VPS13B: variants seen among roughly 807,000 people sequenced by gnomAD.
VPS13B encodes the protein intermembrane lipid transfer protein VPS13B.
VPS13B carries 285 observed loss-of-function variants against 426.4 expected under a neutral mutation model. The ratio of observed to expected loss-of-function variants is 0.67; its 90% CI spans 0.61 to 0.74. The LOEUF is 0.74. VPS13B is among the 30% of genes least tolerant of loss of function. The pLI is 0.00. For missense variants in VPS13B, 4,537 were observed against 4,782.6 expected (o/e 0.95, Z 1.51); for synonymous variants, 1,676 against 1,676.4 (o/e 1.00, Z 0.01).
chr8:99,416,009 G>A (rs547421493), intron 21 of VPS13B, among the ~76,000 whole-genome samples: 7 of 152,280 alleles, frequency 4.6e-5, no homozygotes, highest in South Asian at 2.1e-4. Flanking sequence ...CTGATGCTGC[G>A]CCCACAGCCG....
intron 19 of VPS13B, among the ~76,000 whole-genome samples, chr8:99,297,131 G>GT (rs1820084405): frequency 6.6e-6 from 1 of 152,004 alleles, no homozygotes; most frequent in African/African-American, 2.4e-5. Context: ...TGAAAGTAAG[G>GT]TTTTTATAGG....
intron 30 of VPS13B, among the ~76,000 whole-genome samples, chr8:99,539,421 A>G (rs1377691645): frequency 2.0e-5 from 3 of 152,224 alleles, no homozygotes; most frequent in African/African-American, 7.2e-5. Flanking sequence ...TGAATTGCAG[A>G]CAGAGTATTT....
intron 43 of VPS13B, among the ~76,000 whole-genome samples, chr8:99,806,903 G>A (rs1005256558): frequency 8.5e-5 from 13 of 152,266 alleles, no homozygotes; most frequent in African/African-American, 2.6e-4. Flanking sequence ...TTCCCAGGCA[G>A]GGGTGATTAC....
At chr8:99,425,592 A>T (rs1315671304) in intron 21 of VPS13B, among the ~76,000 whole-genome samples, 1 of 152,198 alleles carries the variant, frequency 6.6e-6, no homozygotes, top group Non-Finnish European at 1.5e-5. Context: ...ATTTATGACA[A>T]ACCCACAGCC....
intron 17 of VPS13B, among the ~76,000 whole-genome samples, chr8:99,216,364 T>TA (rs1217294550): frequency 6.6e-6 from 1 of 152,190 alleles, no homozygotes; most frequent in Non-Finnish European, 1.5e-5. Flanking sequence ...TCATCTGTGA[T>TA]ACCTCACTAC....
intron 16 of VPS13B, among the ~76,000 whole-genome samples, chr8:99,173,515 A>G (rs1812469885): frequency 6.6e-6 from 1 of 152,178 alleles, no homozygotes; most frequent in African/African-American, 2.4e-5. Context: ...GGCCTCAAGA[A>G]GCTATACTTG....
chr8:99,553,455 G>C (rs1028280349), intron 30 of VPS13B, among the ~76,000 whole-genome samples: 1 of 152,034 alleles, frequency 6.6e-6, no homozygotes, highest in Non-Finnish European at 1.5e-5. Context: ...TTGTGCATCT[G>C]TGATTAGTTG....
chr8:99,187,232 G>A (rs984244432), intron 16 of VPS13B, among the ~76,000 whole-genome samples: 3 of 151,960 alleles, frequency 2.0e-5, no homozygotes, highest in South Asian at 4.2e-4. Context: ...GGCGGGGGGC[G>A]GTTCAGGAAT....
chr8:99,210,667 G>A (rs887835969), intron 17 of VPS13B, among the ~76,000 whole-genome samples: 1 of 152,058 alleles, frequency 6.6e-6, no homozygotes, highest in African/African-American at 2.4e-5. Context: ...GTGCAGTGGT[G>A]CAATCTTGGC....
intron 2 of VPS13B, among the ~76,000 whole-genome samples, chr8:99,016,541 CT>C (rs1441573014): frequency 2.3e-5 from 3 of 129,042 alleles, no homozygotes; most frequent in Non-Finnish European, 3.4e-5. Context: ...GTCTTTTTTC[CT>C]TTTTTAAAAA....
chr8:99,730,605 A>G (rs1375211722), intron 39 of VPS13B, among the ~76,000 whole-genome samples: 2 of 152,110 alleles, frequency 1.3e-5, no homozygotes, highest in African/African-American at 4.8e-5. Flanking sequence ...AGATGAAAGG[A>G]CCTGGGCTAA....
intron 3 of VPS13B, among the ~76,000 whole-genome samples, chr8:99,040,171 A>G (rs1842912975): frequency 6.6e-6 from 1 of 152,214 alleles, no homozygotes. Flanking sequence ...CTTAAGAAAC[A>G]TGTTTTAACA....
Position 99,832,367 on chromosome 8 carries a change from A to ATTTTTTTTTTT in VPS13B, c.9331-2_9331-1insTTTTTTTTTTT. On this transcript the variant is annotated splice_acceptor_variant, in intron 51 of 61. Transcript: ENST00000357162. LOFTEE classifies it high-confidence loss of function. The stretch of plus-strand genomic sequence containing the variant: ...TTTTTTTTTTTTTTTTTTTTTTTTT[A>ATTTTTTTTTTT]GTATTTTCGTGTTCCAGACAGTGCT... 1 of 688,132 alleles carries ATTTTTTTTTTT rather than the reference A, an allele frequency of 1.5e-6. No homozygotes were observed. The highest frequency in any genetic ancestry group is 1.8e-6 in the Non-Finnish European group (1 of 546,624). The allele number at this position is 688,132 out of a possible 1,614,324, so 42.6% of individuals were successfully genotyped here. A position where few individuals can be genotyped will look rare whatever the true frequency, so the allele number is the denominator to read the frequency against.
intron 25 of VPS13B, 22 bp downstream of exon 25, chr8:99,481,824 G>A (rs1474330418): frequency 4.3e-6 from 7 of 1,612,150 alleles, no homozygotes; most frequent in Non-Finnish European, 5.1e-6. Context: ...TGAAAATCCT[G>A]TTACAAAATG....
intron 54 of VPS13B, among the ~76,000 whole-genome samples, chr8:99,841,504 A>G (rs1250253142): frequency 6.6e-6 from 1 of 152,236 alleles, no homozygotes. Flanking sequence ...ATAATATTGA[A>G]TGCCTGTTTT....
intron 34 of VPS13B, among the ~76,000 whole-genome samples, chr8:99,656,298 C>T (rs537604073): frequency 9.8e-4 from 149 of 152,118 alleles, no homozygotes; most frequent in Non-Finnish European, 1.4e-3. Flanking sequence ...TCTGTTACTC[C>T]TCATAAGATA....
intron 13 of VPS13B, among the ~76,000 whole-genome samples, chr8:99,143,671 A>T (rs536144895): frequency 6.6e-6 from 1 of 152,340 alleles, no homozygotes; most frequent in African/African-American, 2.4e-5. Flanking sequence ...ATAATAGTGT[A>T]ATGAGGAAGT....
chr8:99,667,109 G>A (rs932370461), intron 35 of VPS13B, among the ~76,000 whole-genome samples: 2 of 152,152 alleles, frequency 1.3e-5, no homozygotes, highest in Non-Finnish European at 2.9e-5. Context: ...TCTCAAACTT[G>A]ATTTTGCATT....
chr8:99,695,052 G>A (rs1348815053), intron 35 of VPS13B, among the ~76,000 whole-genome samples: 1 of 146,992 alleles, frequency 6.8e-6, no homozygotes, highest in Non-Finnish European at 1.5e-5. Context: ...GAAACAACAG[G>A]TGCTGGAGAG....
Sources: gnomAD v4.1 joint callset for allele counts (sites outside exome capture counted in the v4.1 genomes callset) on GRCh38, gnomAD v4.1.1 for gene constraint, MANE v1.5 for transcripts, NCBI Gene and HGNC (gene_info 2026-07-23, HGNC 2026-07-21) for gene names.